Variants in SMYD3 observed in about 807,000 individuals in gnomAD.
SMYD3 encodes the protein histone-lysine N-methyltransferase SMYD3.
A neutral mutation model predicts 57.7 loss-of-function variants in SMYD3; 36 were observed. That is an observed-to-expected ratio of 0.62 (90% CI 0.48 to 0.82). The LOEUF is 0.82. Among genes scored for constraint, SMYD3 ranks in the 40% least tolerant of loss-of-function variants. SMYD3 has a pLI of 0.00. For synonymous variants in SMYD3, 211 were observed against 195.0 expected, an observed-to-expected ratio of 1.08 and a Z score of -0.68; for missense variants, 515 against 538.8, an observed-to-expected ratio of 0.96 and a Z score of 0.44.
intron 11 of SMYD3, among the ~76,000 whole-genome samples, chr1:245,760,783 C>A (rs952838353): frequency 6.6e-6 from 1 of 152,000 alleles, no homozygotes; most frequent in Non-Finnish European, 1.5e-5. Flanking sequence ...AGAGGAACCA[C>A]CGTGTACCCC....
chr1:246,191,107 G>C (rs2148326624), intron 5 of SMYD3, among the ~76,000 whole-genome samples: 1 of 152,348 alleles, frequency 6.6e-6, no homozygotes, highest in African/African-American at 2.4e-5. Flanking sequence ...CATTCTGTAT[G>C]TCACTGCCTT....
chr1:245,943,641 C>T (rs914309950), intron 5 of SMYD3, among the ~76,000 whole-genome samples: 4 of 152,134 alleles, frequency 2.6e-5, no homozygotes, highest in East Asian at 1.9e-4. Flanking sequence ...ATGAGGCCAG[C>T]GTCATCCTGA....
chr1:245,882,838 G>A (rs1170768179), intron 8 of SMYD3, among the ~76,000 whole-genome samples: 1 of 152,226 alleles, frequency 6.6e-6, no homozygotes, highest in Non-Finnish European at 1.5e-5. Context: ...AAGGCTGGAT[G>A]GCAGGAGTAG....
At chr1:246,291,442 G>C (rs1558381269) in intron 5 of SMYD3, among the ~76,000 whole-genome samples, 1 of 152,180 alleles carries the variant, frequency 6.6e-6, no homozygotes, top group African/African-American at 2.4e-5. Context: ...CTCAATACTA[G>C]TTGTTGCTAT....
At chr1:245,828,571 C>T (rs1182056675) in intron 10 of SMYD3, among the ~76,000 whole-genome samples, 1 of 151,930 alleles carries the variant, frequency 6.6e-6, no homozygotes, top group African/African-American at 2.4e-5. Flanking sequence ...AATAATTGTA[C>T]AAATTTATAG....
In SMYD3 at chr1:245,813,429, A is replaced by T. The variant is rs190692826; in HGVS notation, c.1076+45067T>A. On this transcript the variant is annotated intron_variant, in intron 10 of 11. Coordinates refer to ENST00000490107, the MANE Select transcript of SMYD3 (RefSeq NM_001167740.2). ...CAAGCACAGCAGCTGGCCTGAAGAT[A>T]AGAGTTAAATGAATCCAGCCCCCTG... 3.5e-4 allele frequency among the ~76,000 whole-genome samples: 53 copies of T among 152,272 alleles called. 1 individual carries two copies. The highest frequency in any genetic ancestry group is 2.5e-3 in the Admixed American group (38 of 15,296).
At chr1:245,999,668 AAG>A (rs2059001435) in intron 5 of SMYD3, among the ~76,000 whole-genome samples, 1 of 152,196 alleles carries the variant, frequency 6.6e-6, no homozygotes, top group Admixed American at 6.5e-5. Context: ...TACCTAAAGC[AAG>A]AGAGAGAGAA....
intron 10 of SMYD3, among the ~76,000 whole-genome samples, chr1:245,836,387 G>T (rs1189146965): frequency 6.6e-6 from 1 of 152,218 alleles, no homozygotes; most frequent in Non-Finnish European, 1.5e-5. Flanking sequence ...AACTGACCAT[G>T]CACTCACAAT....
chr1:246,136,907 A>T (rs142213177), intron 5 of SMYD3, among the ~76,000 whole-genome samples: 2 of 152,194 alleles, frequency 1.3e-5, no homozygotes, highest in Non-Finnish European at 2.9e-5. Context: ...GTATGCACAG[A>T]CCTAACTAAA....
intron 5 of SMYD3, among the ~76,000 whole-genome samples, chr1:245,949,060 C>T (rs984369294): frequency 2.0e-5 from 3 of 152,212 alleles, no homozygotes; most frequent in Non-Finnish European, 4.4e-5. Flanking sequence ...CCGGACTGCC[C>T]AGCCGGGTGC....
intron 1 of SMYD3, among the ~76,000 whole-genome samples, chr1:246,366,238 TTA>T (rs2066100518): frequency 6.6e-6 from 1 of 152,232 alleles, no homozygotes; most frequent in Admixed American, 6.5e-5. Context: ...CTTGAATAAT[TTA>T]TGTGTCATTT....
At chr1:246,296,067 A>G (rs1572349177) in intron 5 of SMYD3, among the ~76,000 whole-genome samples, 1 of 152,216 alleles carries the variant, frequency 6.6e-6, no homozygotes, top group Non-Finnish European at 1.5e-5. Context: ...AGAAAATGTT[A>G]GAAGGACATA....
intron 1 of SMYD3, among the ~76,000 whole-genome samples, chr1:246,458,610 C>T (rs1201548222): frequency 4.5e-5 from 5 of 112,278 alleles, no homozygotes; most frequent in South Asian, 3.5e-4. Flanking sequence ...CCGCGCCTGG[C>T]TGATTTTTTT....
intron 5 of SMYD3, among the ~76,000 whole-genome samples, chr1:246,067,626 TG>T (rs2060365355): frequency 1.3e-5 from 2 of 152,162 alleles, no homozygotes; most frequent in South Asian, 4.2e-4. Context: ...CCCACAGCCT[TG>T]GGGCGCTCCA....
chr1:246,253,131 T>G (rs2063822359), intron 5 of SMYD3, among the ~76,000 whole-genome samples: 1 of 144,966 alleles, frequency 6.9e-6, no homozygotes, highest in Admixed American at 7.1e-5. Flanking sequence ...TTTTGAACTT[T>G]AATTTTAGAA....
intron 5 of SMYD3, among the ~76,000 whole-genome samples, chr1:246,142,881 A>G (rs2061780385): frequency 6.6e-6 from 1 of 152,154 alleles, no homozygotes; most frequent in Non-Finnish European, 1.5e-5. Context: ...ACAAGTAAGA[A>G]GGGCTTGGTG....
At chr1:246,288,062 C>CTTTTTTTTTTTTTTTTTTTTTTT (rs67603439) in intron 5 of SMYD3, among the ~76,000 whole-genome samples, 1 of 64,216 alleles carries the variant, frequency 1.6e-5, no homozygotes, top group African/African-American at 6.7e-5. Context: ...TCAGGTAATT[C>CTTTTTTTTTTTTTTTTTTTTTTT]TTTTTTTTTT....
At chr1:246,015,149 T>TATAC (rs2059357021) in intron 5 of SMYD3, among the ~76,000 whole-genome samples, 2 of 152,176 alleles carry the variant, frequency 1.3e-5, no homozygotes, top group African/African-American at 4.8e-5. Flanking sequence ...AAGAAGGGTG[T>TATAC]ATACATCTGT....
chr1:246,168,473 AC>A (rs1265217535), intron 5 of SMYD3, among the ~76,000 whole-genome samples: 7 of 152,202 alleles, frequency 4.6e-5, no homozygotes, highest in Non-Finnish European at 1.5e-5. Context: ...GCATTCTTCT[AC>A]TTTTGCAAAG....
Sources: gnomAD v4.1 joint callset for allele counts (sites outside exome capture counted in the v4.1 genomes callset) on GRCh38, gnomAD v4.1.1 for gene constraint, MANE v1.5 for transcripts, NCBI Gene and HGNC (gene_info 2026-07-23, HGNC 2026-07-21) for gene names.